Variants in MAP2K4 observed in about 807,000 individuals in gnomAD.
The protein encoded by MAP2K4 is mitogen-activated protein kinase kinase 4, also known as dual specificity mitogen-activated protein kinase kinase 4.
In MAP2K4, 4 loss-of-function variants were observed where a neutral mutation model predicts 48.5. The ratio of observed to expected loss-of-function variants is 0.08; its 90% CI spans 0.04 to 0.19. MAP2K4 has a LOEUF of 0.19. Among genes scored for constraint, MAP2K4 ranks in the 10% least tolerant of loss-of-function variants. The pLI, the probability that MAP2K4 is intolerant of heterozygous loss-of-function variation, is 1.00. For synonymous variants in MAP2K4, 166 were observed against 173.1 expected (o/e 0.96, Z 0.32); for missense variants, 258 against 493.3 (o/e 0.52, Z 4.52).
intron 1 of MAP2K4, among the ~76,000 whole-genome samples, chr17:12,031,689 T>C (rs752007359): frequency 6.6e-6 from 1 of 152,222 alleles, no homozygotes; most frequent in Non-Finnish European, 1.5e-5. Flanking sequence ...AGCTTTCTCA[T>C]TCCTAGGGAC....
At chr17:12,075,737 C>T (rs1283220270) in intron 2 of MAP2K4, among the ~76,000 whole-genome samples, 1 of 152,152 alleles carries the variant, frequency 6.6e-6, no homozygotes, top group South Asian at 2.1e-4. Flanking sequence ...CACCTTTTGG[C>T]TGATAGTACT....
Position 12,031,831 on chromosome 17 carries a change from C to G in MAP2K4, c.115+10830C>G, listed in dbSNP as rs543566923. Reference sequence around the variant, plus strand: ...GTGTGTAAGTTTCACAATTTATGAACTGCTAAAACTTTTGCATCATAGATG... The same window carrying G: ...GTGTGTAAGTTTCACAATTTATGAAGTGCTAAAACTTTTGCATCATAGATG... On this transcript the variant is annotated intron_variant, in intron 1 of 10. Transcript: ENST00000353533. 1.4e-4 allele frequency among the ~76,000 whole-genome samples: 21 copies of G among 152,218 alleles called. No individual in the cohort carries two copies. The South Asian group carries it at 4.1e-3, about 30-fold the overall frequency.
At chr17:12,031,983 G>A (rs1486513586) in intron 1 of MAP2K4, among the ~76,000 whole-genome samples, 1 of 151,914 alleles carries the variant, frequency 6.6e-6, no homozygotes, top group Non-Finnish European at 1.5e-5. Flanking sequence ...AACTTCTAAG[G>A]GCTTGTAGTT....
chr17:12,063,666 GT>G (rs1158596863), intron 2 of MAP2K4, among the ~76,000 whole-genome samples: 3 of 152,054 alleles, frequency 2.0e-5, no homozygotes, highest in Admixed American at 1.3e-4. Context: ...CTCATCAGAA[GT>G]TTTTTAAGAA....
chr17:12,065,622 G>A (rs1203817468), intron 2 of MAP2K4, among the ~76,000 whole-genome samples: 1 of 152,108 alleles, frequency 6.6e-6, no homozygotes, highest in Non-Finnish European at 1.5e-5. Context: ...TTTTAGTAGA[G>A]ATGGGGTTTC....
chr17:12,093,659 A>G (rs1971637207), intron 3 of MAP2K4, among the ~76,000 whole-genome samples: 1 of 152,230 alleles, frequency 6.6e-6, no homozygotes, highest in Non-Finnish European at 1.5e-5. Context: ...TATTCATACT[A>G]GTAAAAATAG....
chr17:12,068,009 G>T (rs1192772180), intron 2 of MAP2K4, among the ~76,000 whole-genome samples: 2 of 152,160 alleles, frequency 1.3e-5, no homozygotes, highest in Non-Finnish European at 2.9e-5. Flanking sequence ...TTCTAAACTT[G>T]AGTGAGTTTT....
intron 9 of MAP2K4, among the ~76,000 whole-genome samples, chr17:12,131,129 A>G (rs574060628): frequency 6.6e-6 from 1 of 152,236 alleles, no homozygotes; most frequent in South Asian, 2.1e-4. Context: ...AAAAATACTG[A>G]GAGATACTAT....
chr17:12,116,680 T>C (rs1972506391), intron 7 of MAP2K4, among the ~76,000 whole-genome samples: 1 of 152,170 alleles, frequency 6.6e-6, no homozygotes, highest in South Asian at 2.1e-4. Flanking sequence ...ATGGGCGCGA[T>C]CAATCACTGT....
chr17:12,096,319 G>A (rs1234901489), intron 4 of MAP2K4, among the ~76,000 whole-genome samples: 2 of 151,914 alleles, frequency 1.3e-5, no homozygotes, highest in Admixed American at 1.3e-4. Flanking sequence ...TTTGGCCTCT[G>A]GTTATTTTGT....
intron 9 of MAP2K4, among the ~76,000 whole-genome samples, chr17:12,139,201 TATAAAC>T (rs1973301531): frequency 6.6e-6 from 1 of 152,114 alleles, no homozygotes; most frequent in African/African-American, 2.4e-5. Context: ...ATGAGGTAAA[TATAAAC>T]AAAATGAAAA....
At chr17:12,113,509 C>T (rs747581542) in intron 7 of MAP2K4, 149 bp downstream of exon 7, 7 of 850,454 alleles carry the variant, frequency 8.2e-6, no homozygotes, top group Non-Finnish European at 1.2e-5. Flanking sequence ...CCTAGCCTCT[C>T]CATGAAACTT....
At chr17:12,052,864 T>C (rs1311163948) in intron 1 of MAP2K4, among the ~76,000 whole-genome samples, 1 of 152,204 alleles carries the variant, frequency 6.6e-6, no homozygotes, top group Non-Finnish European at 1.5e-5. Context: ...GGACCACCAT[T>C]CAGCCCATTA....
intron 9 of MAP2K4, among the ~76,000 whole-genome samples, chr17:12,137,116 C>T (rs1385265527): frequency 6.6e-6 from 1 of 152,144 alleles, no homozygotes; most frequent in Non-Finnish European, 1.5e-5. Context: ...ATAGAGGCAA[C>T]TGTAAAACTG....
intron 9 of MAP2K4, among the ~76,000 whole-genome samples, chr17:12,136,161 A>G (rs895290449): frequency 5.3e-5 from 8 of 152,190 alleles, no homozygotes; most frequent in African/African-American, 1.9e-4. Context: ...GATTCCAAAA[A>G]ATAAAGTCAA....
intron 2 of MAP2K4, among the ~76,000 whole-genome samples, chr17:12,078,766 AATTG>A (rs1267865964): frequency 6.6e-6 from 1 of 152,150 alleles, no homozygotes; most frequent in African/African-American, 2.4e-5. Context: ...TTAGGACAGA[AATTG>A]ATTGACTCCA....
chr17:12,103,554 C>T (rs1597470073), intron 4 of MAP2K4, among the ~76,000 whole-genome samples: 1 of 151,994 alleles, frequency 6.6e-6, no homozygotes, highest in East Asian at 1.9e-4. Flanking sequence ...TACCCAAATC[C>T]TATATTGGCA....
chr17:12,113,058 A>G (rs1597479973), intron 6 of MAP2K4, 175 bp from the exon 7 acceptor site: 4 of 500,722 alleles, frequency 8.0e-6, no homozygotes, highest in Non-Finnish European at 1.4e-5. Context: ...ACATGTTTAA[A>G]ACATGAATAA....
intron 4 of MAP2K4, 47 bp from the exon 5 acceptor site, chr17:12,107,743 G>A (rs2151572670): frequency 6.7e-7 from 1 of 1,482,404 alleles, no homozygotes; most frequent in Non-Finnish European, 9.1e-7. Context: ...TAAAGGCAAG[G>A]TGATATTTAA....
Sources: allele counts gnomAD v4.1 joint callset (sites outside exome capture counted in the v4.1 genomes callset), GRCh38; gene constraint gnomAD v4.1.1; transcripts MANE v1.5; gene names NCBI Gene and HGNC (gene_info 2026-07-23, HGNC 2026-07-21).